Variants in IFT140 observed in about 807,000 individuals in gnomAD.
The protein encoded by IFT140 is intraflagellar transport protein 140 homolog.
A neutral mutation model predicts 164.6 loss-of-function variants in IFT140; 133 were observed. That is an observed-to-expected ratio of 0.81 (90% confidence interval 0.70 to 0.93). The LOEUF is 0.93. Among genes scored for constraint, IFT140 ranks in the 40% least tolerant of loss-of-function variants. The pLI is 0.00. For missense variants in IFT140, 2,045 were observed against 1,972.3 expected (o/e 1.04, Z -0.70); for synonymous variants, 860 against 817.3 (o/e 1.05, Z -0.89).
At chr16:1,605,353 T>C (rs531270420) in intron 3 of IFT140, among the ~76,000 whole-genome samples, 232 of 152,162 alleles carry the variant, frequency 1.5e-3, no homozygotes, top group African/African-American at 4.8e-3. Flanking sequence ...GTGGTGGCAA[T>C]AGGGAGCCTG....
chr16:1,587,940 C>A lies in IFT140; in HGVS notation c.895G>T (p.Ala299Ser). The A allele has an allele frequency of 6.2e-7, 1 of 1,610,382 alleles. No individual in the cohort carries two copies. Among genetic ancestry groups the A allele is most frequent in the African/African-American group, 1.3e-5 (1 of 75,016 alleles). ...GGAAAGGCAGACTCTCACCTGAGGG[C>A]AGCCTCCCCGACGGCCATCACGAGA... ...SLLVMAVGEA[A>S]LRFWDIERGE... is the part of the protein sequence containing the mutation. Residue 299 changes from alanine (A) to serine (S), a missense_variant, in exon 8 of 31, where the codon GCC (alanine) becomes TCC (serine). Physicochemically the swap from Ala to Ser is moderately conservative, Grantham distance 99. Transcript: ENST00000426508.
In IFT140 at chr16:1,557,000, G is replaced by T. The variant is rs1480857872; in HGVS notation, c.2399+935C>A. ...TAGTTTTTGTATTTTTAGTAGAGAT[G>T]GGGGGGCGGTTCTCCATGTTGGTCA... On this transcript the variant is annotated intron_variant, in intron 19 of 30. Coordinates refer to ENST00000426508, the MANE Select transcript of IFT140 (RefSeq NM_014714.4). Among the ~76,000 whole-genome samples, 6 of 151,876 alleles carry T rather than the reference G, an allele frequency of 4.0e-5. 1 individual carries two copies. Among genetic ancestry groups the T allele is most frequent in the South Asian group, 4.2e-4 (2 of 4,800 alleles).
chr16:1,595,850 C>T (rs1000147192), intron 4 of IFT140, among the ~76,000 whole-genome samples: 6 of 152,046 alleles, frequency 3.9e-5, no homozygotes, highest in African/African-American at 1.5e-4. Context: ...GTCAGGAGTT[C>T]GAGGCCAGCC....
rs182770184 is a variant in IFT140 at position 1,603,879 on chromosome 16, G to T, written c.148-1288C>A. On this transcript the variant is annotated intron_variant, in intron 3 of 30. Coordinates refer to ENST00000426508, the MANE Select transcript of IFT140 (RefSeq NM_014714.4). Reference sequence around the variant, plus strand: ...TTGGTTTGCCCCCAGTTGTTCCACTGGGCTTAGGAGCCATCTTCTGTGATC... The same window carrying T: ...TTGGTTTGCCCCCAGTTGTTCCACTTGGCTTAGGAGCCATCTTCTGTGATC... Among the ~76,000 whole-genome samples, 12 of 152,290 alleles carry T rather than the reference G, an allele frequency of 7.9e-5. No homozygotes were observed. In the South Asian group the frequency reaches 1.0e-3, roughly 13 times the overall value.
chr16:1,541,454 A>G, intron 19 of IFT140: 1 of 985,356 alleles, frequency 1.0e-6, no homozygotes, highest in Non-Finnish European at 1.2e-6. Context: ...AGCACGCAGG[A>G]CAGCACGCCT....
chr16:1,596,017 C>T (rs35576736), intron 4 of IFT140, among the ~76,000 whole-genome samples: 37,244 of 151,546 alleles, frequency 0.25, 4,770 homozygotes, highest in South Asian at 0.33. Flanking sequence ...GATCCCGCCA[C>T]TGCACTCCAG....
rs970941495 is a variant in IFT140, at chr16:1,597,521, A to G, written c.369+4849T>C. ...CTGGGCTGATTCCACGGGTAACCAC[A>G]ACAGGGTCTCTGGTGGAAGAGCAGG... On this transcript the variant is annotated intron_variant, in intron 4 of 30. Transcript: ENST00000426508. 2.6e-5 allele frequency among the ~76,000 whole-genome samples: 4 copies of G among 152,308 alleles called. No homozygotes were observed. The East Asian group carries it at 7.7e-4, about 29-fold the overall frequency.
intron 14 of IFT140, among the ~76,000 whole-genome samples, chr16:1,569,314 T>C (rs2033898846): frequency 6.6e-6 from 1 of 152,038 alleles, no homozygotes; most frequent in Admixed American, 6.5e-5. Flanking sequence ...GGCCGTGGAA[T>C]TCTTTTCTAT....
rs1203669113 is a variant in IFT140, at chr16:1,550,932, G to A, written c.2399+7003C>T. ...CTGTTGAGTACAGGGCCACGTAGCC[G>A]ATGCCAGTGGGTCCTTGGGAATCGT... On this transcript the variant is annotated intron_variant, in intron 19 of 30. Transcript: ENST00000426508. Among the ~76,000 whole-genome samples the A allele has an allele frequency of 2.6e-5, 4 of 152,212 alleles. No homozygotes were observed. The East Asian group carries it at 7.7e-4, about 29-fold the overall frequency.
chr16:1,531,585 C>T lies in IFT140; in HGVS notation c.2400-4789G>A, dbSNP rs2030498569. On this transcript the variant is annotated intron_variant, in intron 19 of 30. Coordinates refer to ENST00000426508, the MANE Select transcript of IFT140 (RefSeq NM_014714.4). This position sits in a 1 kb window ranked among gnomAD's most constrained non-coding sequence, Gnocchi z 4.7. ...GGAAGCCCACCGCCCAGCTGCGAGT[C>T]CCCTTACTGGGAGTCACCCCCCGAG... The T allele has an allele frequency of 6.6e-6, 1 of 152,258 alleles. No individual in the cohort carries two copies. Among genetic ancestry groups the T allele is most frequent in the South Asian group, 2.1e-4 (1 of 4,828 alleles). The allele number at this position is 152,258 out of a possible 1,614,324, so 9.4% of individuals were successfully genotyped here.
At chr16:1,574,642 T>C (rs2034186159) in intron 13 of IFT140, among the ~76,000 whole-genome samples, 1 of 152,174 alleles carries the variant, frequency 6.6e-6, no homozygotes, top group East Asian at 1.9e-4. Flanking sequence ...AAATGTACCC[T>C]GTCACTCCTA....
Position 1,553,621 on chromosome 16 carries a change from C to CA in IFT140, c.2399+4313dup. ...GCACTTTGGGTACAAGAAACAGACT[C>CA]ACTCAGGTTACTGTAACAGAGAGGG... is the stretch of plus-strand genomic sequence containing the variant. On this transcript the variant is annotated intron_variant, in intron 19 of 30. Transcript: ENST00000426508. The surrounding 1 kb of genome is among the most constrained non-coding windows in gnomAD (Gnocchi z 4.4). The CA allele has an allele frequency of 1.9e-6, 2 of 1,039,522 alleles. No homozygotes were observed. The highest frequency in any genetic ancestry group is 2.3e-6 in the Non-Finnish European group (2 of 860,442). The allele number at this position is 1,039,522 out of a possible 1,614,324, so 64.4% of individuals were successfully genotyped here.
intron 2 of IFT140, among the ~76,000 whole-genome samples, chr16:1,609,508 C>G (rs1211045329): frequency 1.3e-5 from 2 of 152,184 alleles, no homozygotes; most frequent in Non-Finnish European, 2.9e-5. Flanking sequence ...ACATTGCCCC[C>G]CATATTATCT....
rs777862012 is a variant in IFT140 at position 1,524,847 on chromosome 16, G to A, written c.2934C>T (p.Tyr978=). The part of the protein sequence containing the change: ...QGEMDAALHY[Y]ELARDHFSLV... ...GGGAGAAGTGGTCCCGGGCCAGCTC[G>A]TAGTAGTGCAGCGCGGCGTCCATCT... Residue 978 remains tyrosine, a synonymous_variant, in exon 23 of 31, where the codon TAC becomes TAT. Transcript: ENST00000426508. 35 of 1,613,058 alleles carry A rather than the reference G, an allele frequency of 2.2e-5. No homozygotes were observed. In the Admixed American group the frequency reaches 2.3e-4, roughly 11 times the overall value.
intron 7 of IFT140, among the ~76,000 whole-genome samples, chr16:1,588,797 C>T (rs536182320): frequency 5.3e-5 from 8 of 152,224 alleles, no homozygotes; most frequent in Admixed American, 2.0e-4. Context: ...GGAGCCCTAA[C>T]CCCCAGTGCA....
chr16:1,563,833 C>T (rs1260640032), intron 17 of IFT140, among the ~76,000 whole-genome samples, 164 bp downstream of exon 17: 1 of 152,124 alleles, frequency 6.6e-6, no homozygotes, highest in African/African-American at 2.4e-5. Context: ...AATATATTGC[C>T]CAGGCTGGTC....
intron 14 of IFT140, among the ~76,000 whole-genome samples, chr16:1,569,359 TACTC>T (rs893769503): frequency 1.9e-4 from 29 of 152,200 alleles, no homozygotes; most frequent in Admixed American, 1.8e-3. Flanking sequence ...TTTATTGACT[TACTC>T]ATATCATTCG....
At position 1,607,117 on chromosome 16, in the gene IFT140, CACTT is replaced by C. The variant is rs2142099151; in HGVS notation, c.146_147+2del. On this transcript the variant is annotated splice_donor_variant and coding_sequence_variant, in exon 3 of 31. Transcript: ENST00000426508. LOFTEE classifies it high-confidence loss of function. ...GTCAGGCTCCTTGCTTCTGAGCACT[CACTT>C]GCTCCAGGTAAATATCCACGCTGCC... 4 of 1,613,764 alleles carry C rather than the reference CACTT, an allele frequency of 2.5e-6. No individual in the cohort carries two copies. Among genetic ancestry groups the C allele is most frequent in the African/African-American group, 2.7e-5 (2 of 75,018 alleles).
Position 1,563,993 on chromosome 16 carries a change from G to A in IFT140, c.2067+4C>T, listed in dbSNP as rs111785408. ...TAAACTCAAATACAACAGGCAGAGC[G>A]TACCGCAGGGCCAGCGCGCCCATCT... On this transcript the variant is annotated splice_donor_region_variant and intron_variant, in intron 17 of 30. Coordinates refer to ENST00000426508, the MANE Select transcript of IFT140 (RefSeq NM_014714.4). 2.2e-4 allele frequency: 343 copies of A among 1,568,100 alleles called. No individual in the cohort carries two copies. Among genetic ancestry groups the A allele is most frequent in the East Asian group, 6.0e-4 (26 of 43,384 alleles).
Sources: gnomAD v4.1 joint callset for allele counts (sites outside exome capture counted in the v4.1 genomes callset) on GRCh38, gnomAD v4.1.1 for gene constraint, Gnocchi (gnomAD v3.1) non-coding constraint, MANE v1.5 for transcripts, NCBI Gene and HGNC (gene_info 2026-07-23, HGNC 2026-07-21) for gene names.